The following CAST variants were observed in gnomAD, a reference collection of about 807,000 sequenced individuals.
The protein encoded by CAST is calpastatin, also known as MIR583 host.
In CAST, 76 loss-of-function variants were observed where a neutral mutation model predicts 119.6. The observed-to-expected ratio is 0.64, with a 90% confidence interval of 0.53 to 0.77. The LOEUF is 0.77. Ranked by LOEUF, CAST falls within the 30% of genes least tolerant of loss-of-function variation. The probability of loss-of-function intolerance (pLI) is 0.00; values close to 1 mark genes in which losing one functional copy is unlikely to be tolerated. For synonymous variants in CAST, 319 were observed against 331.6 expected, an observed-to-expected ratio of 0.96 and a Z score of 0.41; for missense variants, 953 against 946.5, an observed-to-expected ratio of 1.01 and a Z score of -0.09.
At chr5:96,603,549 C>T (rs1480648212) in intron 1 of CAST, among the ~76,000 whole-genome samples, 2 of 152,146 alleles carry the variant, frequency 1.3e-5, no homozygotes, top group East Asian at 1.9e-4. Context: ...ATAACACCCA[C>T]GGAGTCATCA....
chr5:96,258,582 T>C, the CAST span, among the ~76,000 whole-genome samples: 4 of 152,282 alleles, frequency 2.6e-5, no homozygotes, highest in South Asian at 6.2e-4. Context: ...CTGTGAAGCA[T>C]TGGAGACCCA....
chr5:96,410,679 G>A, the CAST span: 71 of 1,009,264 alleles, frequency 7.0e-5, no homozygotes, highest in Admixed American at 1.2e-4. Context: ...AAGCTTAAGC[G>A]AATCAGTCGT....
At chr5:96,502,791 A>G in the CAST span, among the ~76,000 whole-genome samples, 1 of 152,236 alleles carries the variant, frequency 6.6e-6, no homozygotes, top group East Asian at 1.9e-4. Context: ...AAGACTATGG[A>G]AATTTTTGCC....
At chr5:96,614,593 C>T (rs571385494) in intron 1 of CAST, among the ~76,000 whole-genome samples, 2 of 152,248 alleles carry the variant, frequency 1.3e-5, no homozygotes, top group African/African-American at 2.4e-5. Context: ...CTGTGGGGAA[C>T]GGGAAGCTAT....
chr5:95,999,396 C>G, the CAST span, among the ~76,000 whole-genome samples: 1 of 152,228 alleles, frequency 6.6e-6, no homozygotes, highest in Admixed American at 6.5e-5. Context: ...ATTGCCTAGG[C>G]TAGATTTGCT....
the CAST span, among the ~76,000 whole-genome samples, chr5:96,459,228 G>C: frequency 6.6e-6 from 1 of 152,104 alleles, no homozygotes; most frequent in Non-Finnish European, 1.5e-5. Context: ...GCTTTCTAGG[G>C]CTGGTTAGGG....
chr5:96,666,343 C>T (rs540394528), intron 1 of CAST, among the ~76,000 whole-genome samples: 15 of 152,106 alleles, frequency 9.9e-5, no homozygotes, highest in East Asian at 3.9e-4. Context: ...CAAGCATGAA[C>T]GAAGGTTAAT....
chr5:96,471,764 CTGTGTGTGTGTG>C, the CAST span, among the ~76,000 whole-genome samples: 2 of 70,654 alleles, frequency 2.8e-5, no homozygotes, highest in South Asian at 3.7e-4. Context: ...CAAATGGAGT[CTGTGTGTGTGTG>C]TGTGTGTGTG....
chr5:96,160,155 A>G, the CAST span, among the ~76,000 whole-genome samples: 1 of 151,782 alleles, frequency 6.6e-6, no homozygotes, highest in Non-Finnish European at 1.5e-5. Context: ...AAAAAAAAAA[A>G]TGTAAATGGC....
chr5:96,248,669 T>TAAAGGAC, the CAST span, among the ~76,000 whole-genome samples: 2 of 152,240 alleles, frequency 1.3e-5, no homozygotes, highest in African/African-American at 4.8e-5. Flanking sequence ...TTTCAGCTTT[T>TAAAGGAC]AAAGGACAAA....
chr5:96,335,968 A>C, the CAST span, among the ~76,000 whole-genome samples: 1 of 152,100 alleles, frequency 6.6e-6, no homozygotes. Context: ...ACCTTCTTTT[A>C]ACTGGACCAA....
chr5:95,983,302 C>G, the CAST span, among the ~76,000 whole-genome samples: 1 of 152,160 alleles, frequency 6.6e-6, no homozygotes, highest in South Asian at 2.1e-4. Context: ...GTGGTTGTTG[C>G]AAGAGGGCTC....
the CAST span, among the ~76,000 whole-genome samples, chr5:96,385,143 A>T: frequency 5.3e-5 from 8 of 152,186 alleles, no homozygotes; most frequent in Non-Finnish European, 1.2e-4. Context: ...GATGAGCCAC[A>T]CATGAGTTCA....
At chr5:96,399,808 C>A in the CAST span, 1 of 688,034 alleles carries the variant, frequency 1.5e-6, no homozygotes, top group African/African-American at 1.8e-5. Flanking sequence ...AGTTAGTCCC[C>A]ATGGATACCC....
chr5:96,147,731 CTTTT>C, the CAST span, among the ~76,000 whole-genome samples: 159 of 152,348 alleles, frequency 1.0e-3, no homozygotes, highest in African/African-American at 3.6e-3. Flanking sequence ...GCCACCACCT[CTTTT>C]TCTTTCTCAT....
At chr5:96,289,484 G>A in the CAST span, among the ~76,000 whole-genome samples, 1 of 152,236 alleles carries the variant, frequency 6.6e-6, no homozygotes, top group South Asian at 2.1e-4. Flanking sequence ...GTCTCATGAG[G>A]TTTGATGGTT....
At chr5:96,312,248 T>C in the CAST span, among the ~76,000 whole-genome samples, 1 of 152,064 alleles carries the variant, frequency 6.6e-6, no homozygotes, top group East Asian at 1.9e-4. Flanking sequence ...TACAGCTAGA[T>C]GAATTTTAAA....
At chr5:96,750,038 C>G (rs943703625) in intron 19 of CAST, among the ~76,000 whole-genome samples, 2 of 152,098 alleles carry the variant, frequency 1.3e-5, no homozygotes, top group African/African-American at 4.8e-5. Flanking sequence ...GCTGTTAGTT[C>G]AGGGATTACA....
the CAST span, among the ~76,000 whole-genome samples, chr5:96,089,341 A>T: frequency 6.6e-6 from 1 of 152,106 alleles, no homozygotes; most frequent in Non-Finnish European, 1.5e-5. Flanking sequence ...TTGAGGGAGG[A>T]ATTTTACTTC....
Sources: allele counts gnomAD v4.1 joint callset (sites outside exome capture counted in the v4.1 genomes callset), GRCh38; gene constraint gnomAD v4.1.1; transcripts MANE v1.5; gene names NCBI Gene and HGNC (gene_info 2026-07-23, HGNC 2026-07-21).